The following DAB1 variants were observed in gnomAD, a reference collection of about 807,000 sequenced individuals.
DAB1 encodes the protein disabled homolog 1.
DAB1 carries 15 observed loss-of-function variants against 64.6 expected under a neutral mutation model. The ratio of observed to expected loss-of-function variants is 0.23; its 90% CI spans 0.16 to 0.36. The LOEUF (loss-of-function observed/expected upper bound fraction) is 0.36, where lower values mean the gene tolerates loss of function less well. Ranked by LOEUF, DAB1 falls within the 10% of genes least tolerant of loss-of-function variation. The pLI, the probability that DAB1 is intolerant of heterozygous loss-of-function variation, is 1.00. For missense variants in DAB1, 596 were observed against 706.7 expected (o/e 0.84, Z 1.78); for synonymous variants, 235 against 251.9 (o/e 0.93, Z 0.64).
intron 3 of DAB1, among the ~76,000 whole-genome samples, chr1:58,411,864 C>T (rs1254996377): frequency 6.6e-6 from 1 of 152,174 alleles, no homozygotes; most frequent in African/African-American, 2.4e-5. Context: ...TTTGCTTTTG[C>T]TGTTTCCCCA....
At chr1:58,074,245 T>C (rs958430379) in intron 5 of DAB1, among the ~76,000 whole-genome samples, 1 of 152,048 alleles carries the variant, frequency 6.6e-6, no homozygotes. Context: ...ACTAGAATTG[T>C]ACTTAAAATT....
At chr1:57,546,296 AG>A (rs1197596575) in intron 7 of DAB1, among the ~76,000 whole-genome samples, 1 of 152,178 alleles carries the variant, frequency 6.6e-6, no homozygotes, top group African/African-American at 2.4e-5. Context: ...GTATAAAACT[AG>A]CCACCTAAAA....
chr1:57,173,925 A>G (rs1662036315), intron 2 of DAB1, among the ~76,000 whole-genome samples: 1 of 152,156 alleles, frequency 6.6e-6, no homozygotes, highest in African/African-American at 2.4e-5. Context: ...CCAATTAAAT[A>G]TCTAATTTAT....
chr1:57,610,952 C>T (rs1230276255), intron 7 of DAB1, among the ~76,000 whole-genome samples: 1 of 152,126 alleles, frequency 6.6e-6, no homozygotes, highest in Non-Finnish European at 1.5e-5. Flanking sequence ...TAACTTTGCA[C>T]CCAGGGTTCT....
intron 3 of DAB1, among the ~76,000 whole-genome samples, chr1:58,491,377 T>C (rs1645685774): frequency 6.6e-6 from 1 of 152,090 alleles, no homozygotes; most frequent in Non-Finnish European, 1.5e-5. Context: ...AATAACCAGC[T>C]AACATCATAA....
chr1:57,556,662 T>C (rs944287615), intron 7 of DAB1, among the ~76,000 whole-genome samples: 1 of 152,220 alleles, frequency 6.6e-6, no homozygotes, highest in African/African-American at 2.4e-5. Context: ...TTGAGTTCCT[T>C]GTAGATTCTG....
At chr1:57,425,288 A>G (rs1187430535), upstream of DAB1, among the ~76,000 whole-genome samples, 5 of 152,186 alleles carry the variant, frequency 3.3e-5, no homozygotes, top group African/African-American at 7.2e-5. Flanking sequence ...TTTTGGGGCT[A>G]CACTCCTGTC....
intron 6 of DAB1, among the ~76,000 whole-genome samples, chr1:57,681,194 C>A (rs1646632554): frequency 6.6e-6 from 1 of 152,346 alleles, no homozygotes; most frequent in Admixed American, 6.5e-5. Flanking sequence ...CATTCCTTGA[C>A]TTGCAGCTAC....
intron 1 of DAB1, among the ~76,000 whole-genome samples, chr1:57,410,055 A>G (rs1250889995): frequency 6.6e-6 from 1 of 152,190 alleles, no homozygotes; most frequent in East Asian, 1.9e-4. Context: ...GATTTCGTGC[A>G]ATTCCTTTGA....
chr1:58,458,856 A>G (rs1162247822), intron 3 of DAB1, among the ~76,000 whole-genome samples: 1 of 152,112 alleles, frequency 6.6e-6, no homozygotes, highest in African/African-American at 2.4e-5. Context: ...TTTGCAGTCT[A>G]CTTACCAAAG....
intron 5 of DAB1, among the ~76,000 whole-genome samples, chr1:58,013,545 C>T (rs1646698924): frequency 6.6e-6 from 1 of 152,196 alleles, no homozygotes; most frequent in Non-Finnish European, 1.5e-5. Flanking sequence ...TTCATTACGA[C>T]ACGAGTGGTC....
At chr1:57,327,868 C>T (rs1676309924) in intron 1 of DAB1, among the ~76,000 whole-genome samples, 1 of 152,074 alleles carries the variant, frequency 6.6e-6, no homozygotes. Flanking sequence ...AAAAAATACC[C>T]CTACAAACAT....
intron 9 of DAB1, among the ~76,000 whole-genome samples, chr1:57,039,816 T>A (rs1416481415): frequency 6.6e-6 from 1 of 152,186 alleles, no homozygotes; most frequent in Non-Finnish European, 1.5e-5. Context: ...AATGGCTAAA[T>A]TGAGTCTGAC....
intron 4 of DAB1, among the ~76,000 whole-genome samples, chr1:57,083,189 C>T (rs931385994): frequency 3.3e-5 from 5 of 152,172 alleles, no homozygotes; most frequent in African/African-American, 1.2e-4. Context: ...TATGGAGGTA[C>T]CTGAGACACA....
chr1:58,466,836 T>C (rs1645301979), intron 3 of DAB1, among the ~76,000 whole-genome samples: 1 of 152,136 alleles, frequency 6.6e-6, no homozygotes, highest in Admixed American at 6.5e-5. Flanking sequence ...TGTTTGTGCA[T>C]CTAAGCCCCC....
intron 7 of DAB1, 44 bp from the exon 8 acceptor site, chr1:57,069,469 G>T (rs1557664723): frequency 6.6e-7 from 1 of 1,514,870 alleles, no homozygotes; most frequent in Admixed American, 1.7e-5. Flanking sequence ...AGGTGAAAAA[G>T]AAGAAAGGTA....
At position 58,296,205 on chromosome 1, in the gene DAB1, GAAAGAA is replaced by G. The variant is rs1346020936; in HGVS notation, n.309+47141_309+47146del. 7.6e-3 allele frequency among the ~76,000 whole-genome samples: 900 copies of G among 117,944 alleles called. 5 individuals carry two copies. Among genetic ancestry groups the G allele is most frequent in the East Asian group, 0.027 (114 of 4,262 alleles). The allele number at this position is 117,944 out of a possible 152,430, so 77.4% of individuals were successfully genotyped here. A position where few individuals can be genotyped will look rare whatever the true frequency, so the allele number is the denominator to read the frequency against. On this transcript the variant is annotated intron_variant and non_coding_transcript_variant, in intron 4 of 20. Coordinates refer to the DAB1 transcript ENST00000485760. ...AGAAAGAGAAAGAAAGAGAAAGAAA[GAAAGAA>G]AGAAAGAAAGAAAGAAAGAAAGAAA...
chr1:57,700,126 C>T (rs1040430726), intron 6 of DAB1, among the ~76,000 whole-genome samples: 4 of 152,112 alleles, frequency 2.6e-5, no homozygotes, highest in Non-Finnish European at 5.9e-5. Flanking sequence ...TCCTCATGTG[C>T]TACCGGTCAT....
chr1:58,514,651 G>A (rs961987620), intron 2 of DAB1, among the ~76,000 whole-genome samples: 3 of 152,106 alleles, frequency 2.0e-5, no homozygotes, highest in African/African-American at 7.2e-5. Flanking sequence ...ATAATCATCT[G>A]AGACAATACT....
Sources: gnomAD v4.1 joint callset for allele counts (sites outside exome capture counted in the v4.1 genomes callset) on GRCh38, gnomAD v4.1.1 for gene constraint, MANE v1.5 for transcripts, NCBI Gene and HGNC (gene_info 2026-07-23, HGNC 2026-07-21) for gene names.